Variants in RBM43 observed in about 807,000 individuals in gnomAD.
The protein encoded by RBM43 is RNA-binding protein 43.
A neutral mutation model predicts 12.4 loss-of-function variants in RBM43; 12 were observed. The ratio of observed to expected loss-of-function variants is 0.97; its 90% CI spans 0.62 to 1.57. RBM43 has a LOEUF of 1.57. Among genes scored for constraint, RBM43 ranks in the 40% most tolerant of loss-of-function variants. The probability of loss-of-function intolerance (pLI) is 0.00; values close to 1 mark genes in which losing one functional copy is unlikely to be tolerated. For missense variants in RBM43, 348 were observed against 400.1 expected (o/e 0.87, Z 1.11); for synonymous variants, 138 against 145.7 (o/e 0.95, Z 0.38).
intron 1 of RBM43, 98 bp from the exon 2 acceptor site, chr2:151,255,841 AG>A: frequency 1.1e-6 from 1 of 892,470 alleles, no homozygotes; most frequent in South Asian, 1.6e-5. Context: ...ATTCTATAAA[AG>A]TGCCGGTGCA....
chr2:151,256,688 G>A (rs186551379), intron 1 of RBM43, among the ~76,000 whole-genome samples: 161 of 152,184 alleles, frequency 1.1e-3, no homozygotes, highest in African/African-American at 3.3e-3. Context: ...GCGTGATGGC[G>A]GGCGCCTGTA....
chr2:151,258,615 C>T (rs1323935916), intron 1 of RBM43, among the ~76,000 whole-genome samples: 1 of 151,932 alleles, frequency 6.6e-6, no homozygotes. Flanking sequence ...ATAGGAGGAT[C>T]GCTTGAGCAC....
At position 151,251,167 on chromosome 2, in the gene RBM43, G is replaced by A. The variant is rs1164747960; in HGVS notation, c.813C>T (p.Asn271=). The change falls in exon 4 of 4, where the codon AAC becomes AAT. Residue 271 remains asparagine, a synonymous_variant. Coordinates refer to ENST00000331426, the MANE Select transcript of RBM43 (RefSeq NM_198557.3). ...LKSIQVGSQP[N]NAKHVKELIE... ...TGAGCTCTTTTACATGTTTTGCATT[G>A]TTTGGCTGAGAACCAACTTGAATGC... 3 of 1,613,864 alleles carry A rather than the reference G, an allele frequency of 1.9e-6. No individual in the cohort carries two copies. Among genetic ancestry groups the A allele is most frequent in the African/African-American group, 2.7e-5 (2 of 74,976 alleles).
In RBM43 at chr2:151,252,739, C is replaced by T. The variant is rs748863326; in HGVS notation, c.315+16G>A. 27 of 1,397,568 alleles carry T rather than the reference C, an allele frequency of 1.9e-5. No individual in the cohort carries two copies. The East Asian group carries it at 5.0e-4, about 26-fold the overall frequency. The allele number at this position is 1,397,568 out of a possible 1,614,324, so 86.6% of individuals were successfully genotyped here. A position where few individuals can be genotyped will look rare whatever the true frequency, so the allele number is the denominator to read the frequency against. On this transcript the variant is annotated intron_variant, in intron 3 of 3. Transcript: ENST00000331426. Reference sequence around the variant, plus strand: ...GGATACAGGACTATCAGTACACCTACAGCATCACACCTTACCTTGTCACCA... The same window carrying T: ...GGATACAGGACTATCAGTACACCTATAGCATCACACCTTACCTTGTCACCA...
intron 3 of RBM43, 86 bp downstream of exon 3, chr2:151,252,669 G>C: frequency 1.4e-6 from 1 of 715,002 alleles, no homozygotes; most frequent in Non-Finnish European, 2.5e-6. Flanking sequence ...TGGAGTGAGA[G>C]CACTTTGTGT....
At position 151,251,592 on chromosome 2, in the gene RBM43, T is replaced by C; in HGVS notation, c.388A>G (p.Lys130Glu). 6.2e-7 allele frequency: 1 copy of C among 1,614,012 alleles called. No individual in the cohort carries two copies. The highest frequency in any genetic ancestry group is 8.5e-7 in the Non-Finnish European group (1 of 1,179,940). The change falls in exon 4 of 4, where the codon AAA becomes GAA. Residue 130 changes from lysine (K) to glutamate (E), a missense_variant. By Grantham distance (56) the Lys-to-Glu change is moderately conservative. Transcript: ENST00000331426. Reference sequence around the variant, plus strand: ...CTCGGGATTTTTTTTTTCAGGTCTTTTACCAGAGTTTCTAGAGTAACTTCT... The same window carrying C: ...CTCGGGATTTTTTTTTTCAGGTCTTCTACCAGAGTTTCTAGAGTAACTTCT... ...GKEVTLETLVKDLKKKIPSLS... is the reference protein window; with the variant it reads ...GKEVTLETLVEDLKKKIPSLS...
intron 1 of RBM43, among the ~76,000 whole-genome samples, chr2:151,260,589 A>T (rs1683033469): frequency 6.6e-6 from 1 of 152,250 alleles, no homozygotes; most frequent in Admixed American, 6.5e-5. Flanking sequence ...AAACATAAAG[A>T]TGTAAATTTT....
intron 3 of RBM43, among the ~76,000 whole-genome samples, chr2:151,252,263 C>T (rs1415572399): frequency 6.6e-6 from 1 of 152,114 alleles, no homozygotes; most frequent in Non-Finnish European, 1.5e-5. Context: ...TGGCTCACCC[C>T]TGTAATCCCA....
chr2:151,255,474 A>T, intron 2 of RBM43, 59 bp downstream of exon 2: 1 of 1,169,428 alleles, frequency 8.6e-7, no homozygotes, highest in African/African-American at 1.6e-5. Context: ...ATAAAATGTA[A>T]TTTTTAAATT....
intron 2 of RBM43, among the ~76,000 whole-genome samples, chr2:151,253,637 T>C (rs1682935161): frequency 6.6e-6 from 1 of 152,232 alleles, no homozygotes; most frequent in Admixed American, 6.5e-5. Flanking sequence ...AAACAGCTGC[T>C]AGGTTGCTCA....
At chr2:151,260,983 C>A in intron 1 of RBM43, 1 of 379,532 alleles carries the variant, frequency 2.6e-6, no homozygotes, top group South Asian at 2.6e-5. Context: ...TCATTGACTG[C>A]ATTTGTTTAT....
Position 151,251,104 on chromosome 2 carries a change from T to C in RBM43, c.876A>G (p.Arg292=), listed in dbSNP as rs773184379. 12 of 1,613,372 alleles carry C rather than the reference T, an allele frequency of 7.4e-6. No individual in the cohort carries two copies. The highest frequency in any genetic ancestry group is 1.0e-5 in the Non-Finnish European group (12 of 1,179,462). Residue 292 remains arginine, a synonymous_variant, in exon 4 of 4, where the codon AGA becomes AGG. Transcript: ENST00000331426. ...TTCCTTCCAAAATAAATGTCTCTTT[T>C]CTAAGCTTTAAGTAAAGAGCATGTG... is the stretch of plus-strand genomic sequence containing the variant. ...EWSHALYLKL[R]KETFILEGKE...
intron 1 of RBM43, chr2:151,261,422 T>C (rs1683044998): frequency 6.4e-7 from 1 of 1,550,604 alleles, no homozygotes. Context: ...GCAGTGGGTG[T>C]GGGAGGTGAC....
At chr2:151,252,268 A>C (rs1682912170) in intron 3 of RBM43, among the ~76,000 whole-genome samples, 1 of 152,130 alleles carries the variant, frequency 6.6e-6, no homozygotes, top group Non-Finnish European at 1.5e-5. Flanking sequence ...CACCCCTGTA[A>C]TCCCAGCACT....
Position 151,255,626 on chromosome 2 carries a change from G to A in RBM43, c.121C>T (p.Gln41Ter), listed in dbSNP as rs1682963001. Residue 41 changes from glutamine to a stop codon, truncating the protein, a stop_gained, in exon 2 of 4, where the codon CAA becomes TAA. Coordinates refer to ENST00000331426, the MANE Select transcript of RBM43 (RefSeq NM_198557.3). LOFTEE classifies it high-confidence loss of function. Reference protein sequence around the residue: ...LLAVLVKSHFQDIKNEGGDVE... With the variant: ...LLAVLVKSHF ...TCTCCGCCCTCATTCTTAATGTCTT[G>A]GAAGTGGCTCTTCACTAATACGGCC... The A allele has an allele frequency of 6.2e-7, 1 of 1,613,594 alleles. No individual in the cohort carries two copies. The highest frequency in any genetic ancestry group is 1.3e-5 in the African/African-American group (1 of 74,888).
intron 1 of RBM43, among the ~76,000 whole-genome samples, chr2:151,258,180 G>A (rs1573735092): frequency 6.6e-6 from 1 of 152,106 alleles, no homozygotes; most frequent in South Asian, 2.1e-4. Context: ...ATAGTGAACA[G>A]GTGACGACTT....
At chr2:151,260,334 G>T (rs1475165320) in intron 1 of RBM43, among the ~76,000 whole-genome samples, 1 of 152,002 alleles carries the variant, frequency 6.6e-6, no homozygotes, top group East Asian at 1.9e-4. Context: ...CAAGTGATCC[G>T]CCCTCCTTCG....
At chr2:151,256,415 T>C (rs906167815) in intron 1 of RBM43, among the ~76,000 whole-genome samples, 2 of 152,214 alleles carry the variant, frequency 1.3e-5, no homozygotes, top group Admixed American at 6.5e-5. Flanking sequence ...AAATATGGTA[T>C]TTGGAGGTGG....
chr2:151,256,046 C>A (rs1041270585), intron 1 of RBM43, among the ~76,000 whole-genome samples: 8 of 152,210 alleles, frequency 5.3e-5, no homozygotes, highest in Non-Finnish European at 8.8e-5. Context: ...GCTACAATCT[C>A]TGCCTCCCAG....
Sources: gnomAD v4.1 joint callset for allele counts (sites outside exome capture counted in the v4.1 genomes callset) on GRCh38, gnomAD v4.1.1 for gene constraint, MANE v1.5 for transcripts, NCBI Gene and HGNC (gene_info 2026-07-23, HGNC 2026-07-21) for gene names.